Variants in LRP1B observed in about 807,000 individuals in gnomAD.
LRP1B encodes low-density lipoprotein receptor-related protein 1B.
In LRP1B, 217 loss-of-function variants were observed where a neutral mutation model predicts 556.6. That is an observed-to-expected ratio of 0.39 (90% confidence interval 0.35 to 0.44). The LOEUF is 0.44. LRP1B is among the 20% of genes least tolerant of loss of function. LRP1B has a pLI of 1.00. For synonymous variants in LRP1B, 2,047 were observed against 1,865.8 expected (o/e 1.10, Z -2.50); for missense variants, 5,053 against 5,620.8 (o/e 0.90, Z 3.23).
chr2:142,074,120 C>A (rs1705417359), intron 1 of LRP1B, among the ~76,000 whole-genome samples: 1 of 152,024 alleles, frequency 6.6e-6, no homozygotes, highest in Non-Finnish European at 1.5e-5. Context: ...AGGGAGATTT[C>A]TCTTCACTGC....
At chr2:140,905,220 C>A (rs535980561) in intron 22 of LRP1B, among the ~76,000 whole-genome samples, 3 of 152,128 alleles carry the variant, frequency 2.0e-5, no homozygotes, top group African/African-American at 7.2e-5. Context: ...CTCACCTCCA[C>A]CGCCCCCCTC....
intron 1 of LRP1B, among the ~76,000 whole-genome samples, chr2:141,978,836 A>T (rs766676575): frequency 6.6e-6 from 1 of 152,044 alleles, no homozygotes; most frequent in Non-Finnish European, 1.5e-5. Flanking sequence ...TTGATGTGGG[A>T]TATGAATACA....
At chr2:140,395,472 T>G (rs1442677825) in intron 66 of LRP1B, among the ~76,000 whole-genome samples, 1 of 152,226 alleles carries the variant, frequency 6.6e-6, no homozygotes, top group East Asian at 1.9e-4. Flanking sequence ...GTAATATTCC[T>G]CAATGAGCAC....
intron 3 of LRP1B, among the ~76,000 whole-genome samples, chr2:141,259,048 C>G (rs1427226657): frequency 6.6e-6 from 1 of 152,142 alleles, no homozygotes; most frequent in African/African-American, 2.4e-5. Context: ...TACACCTTCT[C>G]TATCAAATTC....
At chr2:141,674,922 A>G (rs998755996) in intron 2 of LRP1B, among the ~76,000 whole-genome samples, 1 of 151,996 alleles carries the variant, frequency 6.6e-6, no homozygotes, top group Non-Finnish European at 1.5e-5. Context: ...TGAATAATCT[A>G]TGTTAGTGTC....
chr2:141,506,749 T>A lies in LRP1B; in HGVS notation c.206-26216A>T, dbSNP rs912123359. Among the ~76,000 whole-genome samples the A allele has an allele frequency of 6.6e-5, 10 of 152,050 alleles. 1 individual carries two copies. The highest frequency in any genetic ancestry group is 2.4e-4 in the African/African-American group (10 of 41,426). On this transcript the variant is annotated intron_variant, in intron 2 of 90. Transcript: ENST00000389484. Reference sequence around the variant, plus strand: ...GCTATATACAACAGAAAAAAAAAATTTACTTCTCAAAATATCCTTTAAAGT... The same window carrying A: ...GCTATATACAACAGAAAAAAAAAATATACTTCTCAAAATATCCTTTAAAGT...
At chr2:141,611,995 T>C (rs1249373395) in intron 2 of LRP1B, among the ~76,000 whole-genome samples, 1 of 152,188 alleles carries the variant, frequency 6.6e-6, no homozygotes, top group African/African-American at 2.4e-5. Flanking sequence ...TAGGTTACCC[T>C]GGAAAGTGGA....
At chr2:141,422,803 T>C (rs16846061) in intron 3 of LRP1B, among the ~76,000 whole-genome samples, 4,667 of 152,274 alleles carry the variant, frequency 0.031, 246 homozygotes, top group African/African-American at 0.1. Context: ...TATGCCAAGC[T>C]ATTTTTCTAT....
chr2:142,024,914 A>G (rs2105183897), intron 1 of LRP1B, among the ~76,000 whole-genome samples: 1 of 152,226 alleles, frequency 6.6e-6, no homozygotes, highest in Non-Finnish European at 1.5e-5. Flanking sequence ...AATGGAGATA[A>G]AGAGAATACA....
Position 141,055,130 on chromosome 2 carries a change from C to A in LRP1B, c.1538G>T (p.Gly513Val), listed in dbSNP as rs1419418929. 3 of 1,611,886 alleles carry A rather than the reference C, an allele frequency of 1.9e-6. No homozygotes were observed. The highest frequency in any genetic ancestry group is 1.7e-6 in the Non-Finnish European group (2 of 1,178,888). ...CRTGFNLGSD[G>V]RSCKRPKNEL... is the part of the protein sequence containing the mutation. ...TAACAACATACTTTTGCATGACCTG[C>A]CATCACTTCCCAAGTTGAAGCCAGT... The change falls in exon 10 of 91, where the codon GGC (glycine) becomes GTC (valine). Residue 513 changes from glycine (G) to valine (V), a missense_variant. By Grantham distance (109) the Gly-to-Val change is moderately radical (BLOSUM62 -3). Transcript: ENST00000389484.
chr2:141,896,381 CT>C (rs1300218443), intron 1 of LRP1B, among the ~76,000 whole-genome samples: 1 of 152,084 alleles, frequency 6.6e-6, no homozygotes, highest in Non-Finnish European at 1.5e-5. Context: ...TAAATCTAAA[CT>C]AACTCTAACT....
At chr2:141,691,619 A>G (rs1312408575) in intron 2 of LRP1B, among the ~76,000 whole-genome samples, 1 of 151,946 alleles carries the variant, frequency 6.6e-6, no homozygotes, top group African/African-American at 2.4e-5. Context: ...CTGCATGATA[A>G]TAACTCCAGG....
chr2:140,720,594 G>GT (rs777714023), intron 35 of LRP1B, among the ~76,000 whole-genome samples: 2 of 151,938 alleles, frequency 1.3e-5, no homozygotes, highest in Non-Finnish European at 2.9e-5. Context: ...GTTTTCCCTG[G>GT]GTATTTAGAG....
intron 3 of LRP1B, among the ~76,000 whole-genome samples, chr2:141,436,885 G>A (rs1680785721): frequency 6.6e-6 from 1 of 152,088 alleles, no homozygotes; most frequent in Non-Finnish European, 1.5e-5. Flanking sequence ...ACAGAACATG[G>A]CATCTGTCTC....
At chr2:141,984,637 A>G (rs1702134616) in intron 1 of LRP1B, among the ~76,000 whole-genome samples, 2 of 152,132 alleles carry the variant, frequency 1.3e-5, no homozygotes, top group Admixed American at 1.3e-4. Context: ...ACCTTGCTAT[A>G]CTGATATTTT....
chr2:141,624,373 A>G (rs1227331228), intron 2 of LRP1B, among the ~76,000 whole-genome samples: 1 of 152,226 alleles, frequency 6.6e-6, no homozygotes, highest in Non-Finnish European at 1.5e-5. Context: ...TAAAACATCT[A>G]AAAGTATCAA....
intron 20 of LRP1B, among the ~76,000 whole-genome samples, chr2:140,941,650 A>G (rs1695406754): frequency 6.6e-6 from 1 of 152,176 alleles, no homozygotes; most frequent in African/African-American, 2.4e-5. Context: ...GAAACCTACC[A>G]TGGGAACCTA....
At chr2:141,845,364 A>T (rs1697610991) in intron 1 of LRP1B, among the ~76,000 whole-genome samples, 1 of 152,022 alleles carries the variant, frequency 6.6e-6, no homozygotes, top group Non-Finnish European at 1.5e-5. Flanking sequence ...ATTCATAGAA[A>T]AAAAATGCTG....
rs376260307 is a variant in LRP1B, at chr2:141,700,220, T to C, written c.205+110059A>G. Among the ~76,000 whole-genome samples, 56 of 151,912 alleles carry C rather than the reference T, an allele frequency of 3.7e-4. No homozygotes were observed. In the South Asian group the frequency reaches 4.1e-3, roughly 11 times the overall value. ...AAACTCTGGTAAGATACCTTCGACA[T>C]TATTGTAACGTTCTACTCAAATCCC... On this transcript the variant is annotated intron_variant, in intron 2 of 90. Coordinates refer to ENST00000389484, the MANE Select transcript of LRP1B (RefSeq NM_018557.3).
Sources: allele counts gnomAD v4.1 joint callset (sites outside exome capture counted in the v4.1 genomes callset), GRCh38; gene constraint gnomAD v4.1.1; transcripts MANE v1.5; gene names NCBI Gene and HGNC (gene_info 2026-07-23, HGNC 2026-07-21).